The following XIRP2 variants were observed in gnomAD, a reference collection of about 807,000 sequenced individuals.
XIRP2 encodes xin actin-binding repeat-containing protein 2.
Under a neutral mutation model 277.0 loss-of-function variants are expected in XIRP2, and 236 were observed. The ratio of observed to expected loss-of-function variants is 0.85; its 90% CI spans 0.77 to 0.95. The LOEUF (loss-of-function observed/expected upper bound fraction) is 0.95. Among genes scored for constraint, XIRP2 ranks in the 40% least tolerant of loss-of-function variants. XIRP2 has a pLI of 0.00. For missense variants in XIRP2, 4,640 were observed against 4,157.5 expected (o/e 1.12, Z -3.19); for synonymous variants, 1,490 against 1,416.5 (o/e 1.05, Z -1.17).
intron 2 of XIRP2, among the ~76,000 whole-genome samples, chr2:167,040,957 C>G (rs1040217556): frequency 6.6e-6 from 1 of 152,214 alleles, no homozygotes; most frequent in Non-Finnish European, 1.5e-5. Context: ...ATGCATGGGA[C>G]AGCCCGTTGC....
At chr2:167,177,783 G>T (rs1461010403) in intron 3 of XIRP2, among the ~76,000 whole-genome samples, 1 of 152,186 alleles carries the variant, frequency 6.6e-6, no homozygotes, top group Non-Finnish European at 1.5e-5. Context: ...CTGTAATTTA[G>T]CCCTTTAGAG....
At chr2:166,938,400 T>C (rs1248040962) in intron 2 of XIRP2, among the ~76,000 whole-genome samples, 1 of 152,092 alleles carries the variant, frequency 6.6e-6, no homozygotes, top group Non-Finnish European at 1.5e-5. Context: ...TGTAGCTGAG[T>C]GGTTTTGAGT....
At chr2:167,226,359 C>G (rs911646353) in intron 5 of XIRP2, among the ~76,000 whole-genome samples, 2 of 152,116 alleles carry the variant, frequency 1.3e-5, no homozygotes, top group Non-Finnish European at 2.9e-5. Context: ...CTCTTCCTAC[C>G]CACATCCACC....
intron 1 of XIRP2, among the ~76,000 whole-genome samples, chr2:166,897,768 G>A (rs150230623): frequency 3.2e-3 from 492 of 152,160 alleles, no homozygotes; most frequent in Non-Finnish European, 5.2e-3. Flanking sequence ...TTCCAGACTA[G>A]CAATAGACCA....
chr2:167,247,700 G>T lies in XIRP2; in HGVS notation c.6308G>T (p.Arg2103Ile), dbSNP rs566705728. 5.0e-6 allele frequency: 8 copies of T among 1,613,644 alleles called. No individual in the cohort carries two copies. In the East Asian group the frequency reaches 1.8e-4, roughly 36 times the overall value. ...ACTAAAGAATCAGACAGGGCAGTGA[G>T]AGAGCTGAAGAAGGATGATGTCTTT... Reference protein sequence around the residue: ...LTTKESDRAVRELKKDDVFNS... With the variant: ...LTTKESDRAVIELKKDDVFNS... The change falls in exon 9 of 11, where the codon AGA becomes ATA. Residue 2103 changes from arginine (R) to isoleucine (I), a missense_variant. Transcript: ENST00000409195.
chr2:166,951,558 A>G (rs1031218219), intron 2 of XIRP2, among the ~76,000 whole-genome samples: 1 of 152,036 alleles, frequency 6.6e-6, no homozygotes, highest in African/African-American at 2.4e-5. Context: ...ATTCTTGTAA[A>G]TGAAAAGAGA....
intron 2 of XIRP2, among the ~76,000 whole-genome samples, chr2:167,024,225 G>T (rs1043827658): frequency 4.6e-5 from 7 of 152,008 alleles, no homozygotes; most frequent in Non-Finnish European, 1.0e-4. Flanking sequence ...ATTGTGAATG[G>T]GAGTTCACTC....
intron 2 of XIRP2, among the ~76,000 whole-genome samples, chr2:166,977,514 G>C (rs1160344866): frequency 6.6e-6 from 1 of 152,026 alleles, no homozygotes; most frequent in Non-Finnish European, 1.5e-5. Context: ...TACTGTATTT[G>C]TATTATCATA....
intron 2 of XIRP2, among the ~76,000 whole-genome samples, chr2:166,954,467 G>A (rs539572529): frequency 3.1e-4 from 47 of 152,026 alleles, no homozygotes; most frequent in African/African-American, 1.1e-3. Flanking sequence ...TACACTGTTG[G>A]TGGGAATGTA....
At position 167,258,079 on chromosome 2, in the gene XIRP2, T is replaced by C. The variant is rs371052149; in HGVS notation, c.*262T>C. 6.2e-6 allele frequency: 10 copies of C among 1,612,932 alleles called. No homozygotes were observed. In the Admixed American group the frequency reaches 1.0e-4, roughly 16 times the overall value. Reference sequence around the variant, plus strand: ...ACACCCTTGTACCTGGAGATCGTAATGAACATTTAGATGCTGGTAACAGTG... The same window carrying C: ...ACACCCTTGTACCTGGAGATCGTAACGAACATTTAGATGCTGGTAACAGTG... On this transcript the variant is annotated 3_prime_UTR_variant, in exon 11 of 11. Transcript: ENST00000409195.
At chr2:167,152,472 G>T (rs73017969) in intron 3 of XIRP2, among the ~76,000 whole-genome samples, 5 of 151,920 alleles carry the variant, frequency 3.3e-5, no homozygotes, top group African/African-American at 1.2e-4. Flanking sequence ...TATAAAGTCC[G>T]CTGTGACACA....
intron 2 of XIRP2, among the ~76,000 whole-genome samples, chr2:166,918,721 A>C (rs1276176368): frequency 6.6e-6 from 1 of 152,132 alleles, no homozygotes; most frequent in African/African-American, 2.4e-5. Flanking sequence ...AAGTCAAATA[A>C]GGTTTAATTA....
intron 2 of XIRP2, among the ~76,000 whole-genome samples, chr2:167,008,432 G>A (rs1056141236): frequency 6.6e-6 from 1 of 151,444 alleles, no homozygotes; most frequent in African/African-American, 2.4e-5. Flanking sequence ...GTTTTATGAA[G>A]CCATAAAATT....
At position 166,903,844 on chromosome 2, in the gene XIRP2, T is replaced by A. The variant is rs773061914; in HGVS notation, c.362T>A (p.Phe121Tyr). The change falls in exon 2 of 11, where the codon TTT (phenylalanine) becomes TAT (tyrosine). Residue 121 changes from phenylalanine (F) to tyrosine (Y), a missense_variant. Coordinates refer to ENST00000409195, the MANE Select transcript of XIRP2 (RefSeq NM_152381.6). ...SIALDELRSV[F>Y]EAPKSGNKPA... Reference sequence around the variant, plus strand: ...GCCCTTGATGAGCTGAGGAGTGTGTTTGAGGCTCCTAAGAGTGGAAACAAA... The same window carrying A: ...GCCCTTGATGAGCTGAGGAGTGTGTATGAGGCTCCTAAGAGTGGAAACAAA... The A allele has an allele frequency of 2.5e-6, 4 of 1,613,522 alleles. No individual in the cohort carries two copies. The highest frequency in any genetic ancestry group is 1.1e-5 in the South Asian group (1 of 91,080).
At chr2:166,935,967 A>C (rs1481853489) in intron 2 of XIRP2, among the ~76,000 whole-genome samples, 1 of 152,174 alleles carries the variant, frequency 6.6e-6, no homozygotes, top group Non-Finnish European at 1.5e-5. Flanking sequence ...TTCTAGTTCT[A>C]GATCCTTGAG....
At chr2:167,143,746 A>T (rs766193821) in intron 3 of XIRP2, among the ~76,000 whole-genome samples, 1 of 152,158 alleles carries the variant, frequency 6.6e-6, no homozygotes, top group South Asian at 2.1e-4. Context: ...AATTTTCGCC[A>T]ATTAAAGGAG....
chr2:167,074,809 G>A (rs1397121442), intron 2 of XIRP2, among the ~76,000 whole-genome samples: 2 of 152,070 alleles, frequency 1.3e-5, no homozygotes, highest in Non-Finnish European at 2.9e-5. Context: ...TCAGGCAATA[G>A]AGACAGGGTT....
chr2:167,136,074 A>G lies in XIRP2; in HGVS notation c.562+12A>G. On this transcript the variant is annotated intron_variant, in intron 3 of 10. Coordinates refer to ENST00000409195, the MANE Select transcript of XIRP2 (RefSeq NM_152381.6). ...CCGCATCTTTGAAGGTTAGCATAAC[A>G]TTTTGATATGCTTTCTTGACATCAT... The G allele has an allele frequency of 6.3e-7, 1 of 1,586,018 alleles. No individual in the cohort carries two copies. Among genetic ancestry groups the G allele is most frequent in the Non-Finnish European group, 8.6e-7 (1 of 1,169,028 alleles).
chr2:167,259,500 A>C lies in XIRP2; in HGVS notation c.*1683A>C. The stretch of plus-strand genomic sequence containing the variant: ...GTTCAGAAATCTCGTGTCTATCTCA[A>C]TGGGATATTTCTTGTATTACACCTT... On this transcript the variant is annotated 3_prime_UTR_variant, in exon 11 of 11. Coordinates refer to ENST00000409195, the MANE Select transcript of XIRP2 (RefSeq NM_152381.6). The C allele has an allele frequency of 1.2e-6, 1 of 825,386 alleles. No homozygotes were observed. Among genetic ancestry groups the C allele is most frequent in the Non-Finnish European group, 1.8e-6 (1 of 552,330 alleles). 51.1% of individuals were successfully genotyped at this position (825,386 alleles called of 1,614,324 possible).
Sources: allele counts gnomAD v4.1 joint callset (sites outside exome capture counted in the v4.1 genomes callset), GRCh38; gene constraint gnomAD v4.1.1; transcripts MANE v1.5; gene names NCBI Gene and HGNC (gene_info 2026-07-23, HGNC 2026-07-21).